The following SNRPG variants were observed in gnomAD, a reference collection of about 807,000 sequenced individuals.
The protein encoded by SNRPG is small nuclear ribonucleoprotein G.
Under a neutral mutation model 13.9 loss-of-function variants are expected in SNRPG, and 3 were observed. The ratio of observed to expected loss-of-function variants is 0.22; its 90% CI spans 0.10 to 0.56. SNRPG has a LOEUF of 0.56. Among genes scored for constraint, SNRPG ranks in the 20% least tolerant of loss-of-function variants. SNRPG has a pLI of 0.93. For synonymous variants in SNRPG, 29 were observed against 29.3 expected (o/e 0.99, Z 0.03); for missense variants, 34 against 96.1 (o/e 0.35, Z 2.70).
chr2:70,287,058 T>C lies in SNRPG; in HGVS notation c.180+1010A>G, dbSNP rs1438184664. Reference sequence around the variant, plus strand: ...AGTGTGGTATCTGGAGACTCTAAACTGTTTTTTCAGTCATAACTATTGATT... The same window carrying C: ...AGTGTGGTATCTGGAGACTCTAAACCGTTTTTTCAGTCATAACTATTGATT... On this transcript the variant is annotated intron_variant, in intron 3 of 3. Transcript: ENST00000272348. Among the ~76,000 whole-genome samples the C allele has an allele frequency of 4.6e-5, 7 of 152,282 alleles. No individual in the cohort carries two copies. In the East Asian group the frequency reaches 1.3e-3, roughly 29 times the overall value.
At chr2:70,281,774 GTT>G in intron 3 of SNRPG, 90 bp from the exon 4 acceptor site, 1 of 699,326 alleles carries the variant, frequency 1.4e-6, no homozygotes, top group South Asian at 1.7e-5. Flanking sequence ...ATCATTAATG[GTT>G]TTTTAATATT....
At chr2:70,291,207 A>T (rs186234241) in intron 1 of SNRPG, 1 of 152,332 alleles carries the variant, frequency 6.6e-6, no homozygotes, top group African/African-American at 2.4e-5. Context: ...TGGAAAAGCT[A>T]AAGCAATTTT....
At chr2:70,289,328 C>T (rs569570236) in intron 2 of SNRPG, 22 bp downstream of exon 2, 2 of 1,376,208 alleles carry the variant, frequency 1.5e-6, no homozygotes, top group Admixed American at 3.8e-5. Context: ...TAAAAAAAAC[C>T]CCAAAACAAC....
At chr2:70,283,182 A>T (rs1696857422) in intron 3 of SNRPG, among the ~76,000 whole-genome samples, 1 of 150,998 alleles carries the variant, frequency 6.6e-6, no homozygotes, top group African/African-American at 2.4e-5. Context: ...TAGATGAATC[A>T]GCTGGTAAAT....
At chr2:70,284,822 T>G (rs2104912552) in intron 3 of SNRPG, among the ~76,000 whole-genome samples, 1 of 152,330 alleles carries the variant, frequency 6.6e-6, no homozygotes, top group East Asian at 1.9e-4. Context: ...TCACATAATA[T>G]TTAGAAAATA....
chr2:70,287,901 C>T (rs1696982264), intron 3 of SNRPG, 167 bp downstream of exon 3: 1 of 630,814 alleles, frequency 1.6e-6, no homozygotes, highest in Non-Finnish European at 2.8e-6. Flanking sequence ...CTACAGGTAA[C>T]CAGGATATTA....
intron 1 of SNRPG, among the ~76,000 whole-genome samples, chr2:70,289,583 G>A (rs1438477166): frequency 2.0e-5 from 3 of 152,156 alleles, no homozygotes; most frequent in African/African-American, 7.2e-5. Context: ...GGGCTGAGGC[G>A]GGTGGACTGC....
intron 2 of SNRPG, among the ~76,000 whole-genome samples, chr2:70,289,036 C>T (rs890834380): frequency 3.9e-5 from 6 of 152,082 alleles, no homozygotes; most frequent in African/African-American, 1.4e-4. Flanking sequence ...CTGCAAACTC[C>T]GCCTCCTGGG....
intron 3 of SNRPG, among the ~76,000 whole-genome samples, chr2:70,284,114 GAAAGAGTCT>G (rs1486780259): frequency 6.6e-6 from 1 of 152,190 alleles, no homozygotes. Flanking sequence ...AATGGGAACT[GAAAGAGTCT>G]AAAGATTGAC....
intron 1 of SNRPG, chr2:70,291,171 C>T (rs1433061872): frequency 1.3e-5 from 2 of 152,036 alleles, no homozygotes; most frequent in African/African-American, 4.8e-5. Flanking sequence ...TCATTTCCAC[C>T]GTTTTTACAG....
At chr2:70,292,766 A>C in intron 1 of SNRPG, 1 of 193,172 alleles carries the variant, frequency 5.2e-6, no homozygotes, top group South Asian at 1.1e-4. Context: ...GATCCCTGTA[A>C]AAATTTTGCA....
chr2:70,293,569 C>A, intron 1 of SNRPG, 49 bp downstream of exon 1: 1 of 1,511,180 alleles, frequency 6.6e-7, no homozygotes, highest in Non-Finnish European at 9.2e-7. Context: ...AAGGGACTCG[C>A]AGGACGCAAA....
At chr2:70,292,072 C>T (rs1180466313) in intron 1 of SNRPG, among the ~76,000 whole-genome samples, 1 of 150,784 alleles carries the variant, frequency 6.6e-6, no homozygotes, top group East Asian at 2.0e-4. Flanking sequence ...CTCAGCCTCC[C>T]GAGTAGCTGG....
At chr2:70,293,027 A>T in intron 1 of SNRPG, 1 of 629,472 alleles carries the variant, frequency 1.6e-6, no homozygotes, top group Non-Finnish European at 2.8e-6. Context: ...TTCTTAAAAA[A>T]AAAGAAAAAT....
chr2:70,283,601 C>T (rs201161897), intron 3 of SNRPG, among the ~76,000 whole-genome samples: 2 of 152,122 alleles, frequency 1.3e-5, no homozygotes, highest in East Asian at 3.8e-4. Context: ...AAAATAGTAG[C>T]AGGCACACAG....
At chr2:70,282,378 G>A (rs1696813823) in intron 3 of SNRPG, among the ~76,000 whole-genome samples, 1 of 152,112 alleles carries the variant, frequency 6.6e-6, no homozygotes, top group African/African-American at 2.4e-5. Flanking sequence ...AATTGTGAAA[G>A]GCATGCTTTA....
At chr2:70,282,865 G>T (rs1204275593) in intron 3 of SNRPG, among the ~76,000 whole-genome samples, 1 of 151,932 alleles carries the variant, frequency 6.6e-6, no homozygotes, top group Non-Finnish European at 1.5e-5. Flanking sequence ...AGGCCAAGGC[G>T]GGTGGATCAC....
At position 70,293,695 on chromosome 2, in the gene SNRPG, G is replaced by T. The variant is rs191710102; in HGVS notation, c.-46C>A. Reference sequence around the variant, plus strand: ...ACAGATGCCTTGGAACGCAACGCACGGCTTTCCTCACGCTCCCGCTGTAGG... The same window carrying T: ...ACAGATGCCTTGGAACGCAACGCACTGCTTTCCTCACGCTCCCGCTGTAGG... On this transcript the variant is annotated 5_prime_UTR_variant, in exon 1 of 4. Coordinates refer to ENST00000272348, the MANE Select transcript of SNRPG (RefSeq NM_003096.4). The T allele has an allele frequency of 1.1e-5, 18 of 1,590,904 alleles. No homozygotes were observed. Among genetic ancestry groups the T allele is most frequent in the Non-Finnish European group, 1.5e-5 (17 of 1,158,902 alleles).
rs890639099 is a variant in SNRPG, at chr2:70,281,577, T to C, written c.*57A>G. 8 of 961,154 alleles carry C rather than the reference T, an allele frequency of 8.3e-6. No individual in the cohort carries two copies. Among genetic ancestry groups the C allele is most frequent in the African/African-American group, 1.7e-5 (1 of 59,416 alleles). The allele number at this position is 961,154 out of a possible 1,614,324, so 59.5% of individuals were successfully genotyped here. A position where few individuals can be genotyped will look rare whatever the true frequency, so the allele number is the denominator to read the frequency against. The stretch of plus-strand genomic sequence containing the variant: ...TGTACATGACCTAATTTTTACATCA[T>C]AGTAAAACAGGCCCTATGGAGAGAG... On this transcript the variant is annotated 3_prime_UTR_variant, in exon 4 of 4. Transcript: ENST00000272348.
Sources: allele counts gnomAD v4.1 joint callset (sites outside exome capture counted in the v4.1 genomes callset), GRCh38; gene constraint gnomAD v4.1.1; transcripts MANE v1.5; gene names NCBI Gene and HGNC (gene_info 2026-07-23, HGNC 2026-07-21).